Variants in DAB1 observed in about 807,000 individuals in gnomAD.
The protein encoded by DAB1 is disabled homolog 1.
In DAB1, 15 loss-of-function variants were observed where a neutral mutation model predicts 64.6. That is an observed-to-expected ratio of 0.23 (90% confidence interval 0.16 to 0.36). The LOEUF (loss-of-function observed/expected upper bound fraction) is 0.36. Among genes scored for constraint, DAB1 ranks in the 10% least tolerant of loss-of-function variants. The pLI is 1.00. For synonymous variants in DAB1, 235 were observed against 251.9 expected (o/e 0.93, Z 0.64); for missense variants, 596 against 706.7 (o/e 0.84, Z 1.78).
intron 11 of DAB1, among the ~76,000 whole-genome samples, chr1:57,016,690 G>A (rs1475131189): frequency 1.4e-5 from 2 of 146,606 alleles, no homozygotes; most frequent in Admixed American, 7.2e-5. Context: ...GTACTCACAC[G>A]TATTACCATG....
chr1:57,973,454 C>T (rs1645845732), intron 5 of DAB1, among the ~76,000 whole-genome samples: 5 of 152,144 alleles, frequency 3.3e-5, no homozygotes, highest in Admixed American at 3.3e-4. Context: ...CTGCAGGAAG[C>T]TAATACAATA....
chr1:57,455,007 G>T (rs1686531868), intron 7 of DAB1, among the ~76,000 whole-genome samples: 1 of 152,136 alleles, frequency 6.6e-6, no homozygotes, highest in South Asian at 2.1e-4. Context: ...GGGCAACTTT[G>T]TCTAATAGGG....
At chr1:57,342,051 A>C (rs977766937) in intron 1 of DAB1, among the ~76,000 whole-genome samples, 2 of 152,222 alleles carry the variant, frequency 1.3e-5, no homozygotes, top group Non-Finnish European at 2.9e-5. Flanking sequence ...TTATTATGCC[A>C]ATGGAGGAAA....
intron 5 of DAB1, among the ~76,000 whole-genome samples, chr1:58,051,703 G>C (rs1433796050): frequency 6.6e-6 from 1 of 152,106 alleles, no homozygotes; most frequent in Non-Finnish European, 1.5e-5. Flanking sequence ...AACCTCTCCA[G>C]CATTTGTTGT....
chr1:57,407,767 AGTGTGTGT>A (rs3991224), intron 1 of DAB1, among the ~76,000 whole-genome samples: 3,991 of 147,010 alleles, frequency 0.027, 145 homozygotes, highest in African/African-American at 0.082. Flanking sequence ...AGATATCTGA[AGTGTGTGT>A]GTGTGTGTGT....
At chr1:57,009,047 T>C (rs1301924916) in intron 14 of DAB1, among the ~76,000 whole-genome samples, 1 of 152,218 alleles carries the variant, frequency 6.6e-6, no homozygotes, top group East Asian at 1.9e-4. Flanking sequence ...TTCATAAAGA[T>C]GAGGGTTTAA....
intron 4 of DAB1, 144 bp downstream of exon 4, chr1:57,136,399 T>C (rs187039247): frequency 4.5e-5 from 19 of 424,046 alleles, no homozygotes; most frequent in African/African-American, 3.2e-4. Context: ...CCTGCTTTGA[T>C]GGATGATCAG....
intron 7 of DAB1, among the ~76,000 whole-genome samples, chr1:57,583,263 G>T (rs1479315700): frequency 6.6e-6 from 1 of 151,154 alleles, no homozygotes; most frequent in Non-Finnish European, 1.5e-5. Flanking sequence ...CCCTCTCTGA[G>T]CCTCGGTTTC....
intron 1 of DAB1, among the ~76,000 whole-genome samples, chr1:57,831,768 C>G (rs1245127384): frequency 6.6e-6 from 1 of 151,970 alleles, no homozygotes; most frequent in East Asian, 1.9e-4. Flanking sequence ...GTCTCAAATT[C>G]CTGGGCTCAA....
intron 7 of DAB1, among the ~76,000 whole-genome samples, chr1:57,511,286 C>T (rs1031686850): frequency 3.9e-5 from 6 of 152,148 alleles, no homozygotes; most frequent in Non-Finnish European, 5.9e-5. Context: ...TTCTGTCAAC[C>T]TCCCTCACCC....
chr1:57,528,910 A>C (rs1404654727), intron 7 of DAB1, among the ~76,000 whole-genome samples: 1 of 152,010 alleles, frequency 6.6e-6, no homozygotes, highest in African/African-American at 2.4e-5. Context: ...ACACTACAAG[A>C]AATGCTAAAG....
rs55885612 is a variant in DAB1 at position 57,150,114 on chromosome 1, A to G, written c.68-4685T>C. Reference sequence around the variant, plus strand: ...CCCCAGCTCTCTGACCTACCTCCTTAGTTGTATAATCGTTGGTAAGTTCCT... The same window carrying G: ...CCCCAGCTCTCTGACCTACCTCCTTGGTTGTATAATCGTTGGTAAGTTCCT... On this transcript the variant is annotated intron_variant, in intron 2 of 14. Coordinates refer to ENST00000371236, the MANE Select transcript of DAB1 (RefSeq NM_001365792.1). Among the ~76,000 whole-genome samples the G allele has an allele frequency of 3.9e-3, 588 of 152,204 alleles. 4 individuals are homozygous for G. The highest frequency in any genetic ancestry group is 0.014 in the African/African-American group (561 of 41,532).
intron 4 of DAB1, among the ~76,000 whole-genome samples, chr1:58,171,089 C>T (rs977548628): frequency 6.6e-6 from 1 of 152,168 alleles, no homozygotes; most frequent in African/African-American, 2.4e-5. Context: ...TCTTGTTATG[C>T]CTGAAAGTCC....
chr1:57,054,121 A>G (rs1245617807), intron 9 of DAB1, among the ~76,000 whole-genome samples: 4 of 152,222 alleles, frequency 2.6e-5, no homozygotes, highest in Non-Finnish European at 4.4e-5. Flanking sequence ...AAGGAGAAGG[A>G]TAAAAGATCT....
chr1:57,240,825 A>G (rs527952943), intron 2 of DAB1, among the ~76,000 whole-genome samples: 3 of 152,324 alleles, frequency 2.0e-5, no homozygotes, highest in African/African-American at 7.2e-5. Context: ...TTAAAGCATA[A>G]GAAACACCCT....
At chr1:57,846,556 G>A (rs180770078) in intron 1 of DAB1, among the ~76,000 whole-genome samples, 1 of 151,730 alleles carries the variant, frequency 6.6e-6, no homozygotes, top group East Asian at 1.9e-4. Context: ...CCTACTCTGT[G>A]CTGTTTACTC....
chr1:57,937,045 C>T (rs574006278), intron 5 of DAB1, among the ~76,000 whole-genome samples: 97 of 152,130 alleles, frequency 6.4e-4, no homozygotes, highest in African/African-American at 2.3e-3. Context: ...CTTCTGCTTG[C>T]TGATCTGCCT....
At chr1:57,264,142 CTT>C (rs1223185131) in intron 2 of DAB1, among the ~76,000 whole-genome samples, 1 of 152,262 alleles carries the variant, frequency 6.6e-6, no homozygotes, top group African/African-American at 2.4e-5. Context: ...ACTGTGAACT[CTT>C]TTTCTTTTCT....
At chr1:58,374,467 T>A (rs1185858391) in intron 3 of DAB1, among the ~76,000 whole-genome samples, 1 of 151,682 alleles carries the variant, frequency 6.6e-6, no homozygotes, top group African/African-American at 2.4e-5. Context: ...TTTTCTCAGG[T>A]TTGTCAAAGA....
Sources: allele counts gnomAD v4.1 joint callset (sites outside exome capture counted in the v4.1 genomes callset), GRCh38; gene constraint gnomAD v4.1.1; transcripts MANE v1.5; gene names NCBI Gene and HGNC (gene_info 2026-07-23, HGNC 2026-07-21).